The following CCSER1 variants were observed in gnomAD, a reference collection of about 807,000 sequenced individuals.
CCSER1 encodes the protein serine-rich coiled-coil domain-containing protein 1.
CCSER1 carries 41 observed loss-of-function variants against 82.0 expected under a neutral mutation model. The observed-to-expected ratio is 0.50, with a 90% CI of 0.39 to 0.65. The LOEUF (loss-of-function observed/expected upper bound fraction) is 0.65. Among genes scored for constraint, CCSER1 ranks in the 30% least tolerant of loss-of-function variants. The pLI, the probability that CCSER1 is intolerant of heterozygous loss-of-function variation, is 0.00. For missense variants in CCSER1, 1,119 were observed against 1,064.2 expected, an observed-to-expected ratio of 1.05 and a Z score of -0.72; for synonymous variants, 414 against 383.9, an observed-to-expected ratio of 1.08 and a Z score of -0.92.
At chr4:90,546,983 G>A (rs888343340) in intron 5 of CCSER1, among the ~76,000 whole-genome samples, 1 of 151,852 alleles carries the variant, frequency 6.6e-6, no homozygotes, top group African/African-American at 2.4e-5. Context: ...TGTGAATATT[G>A]CATACTTAAG....
intron 5 of CCSER1, among the ~76,000 whole-genome samples, chr4:90,511,722 C>T (rs1351655435): frequency 6.6e-6 from 1 of 151,970 alleles, no homozygotes; most frequent in Non-Finnish European, 1.5e-5. Flanking sequence ...GTATGTGCTT[C>T]AAGTAATAAC....
At chr4:91,595,021 A>C (rs1024592329) in intron 10 of CCSER1, among the ~76,000 whole-genome samples, 1 of 151,946 alleles carries the variant, frequency 6.6e-6, no homozygotes, top group African/African-American at 2.4e-5. Context: ...GCTCTCAAGT[A>C]AATTTCTCTC....
At chr4:90,441,984 A>G (rs1759954288) in intron 4 of CCSER1, among the ~76,000 whole-genome samples, 1 of 152,218 alleles carries the variant, frequency 6.6e-6, no homozygotes, top group Non-Finnish European at 1.5e-5. Flanking sequence ...GGGATGGCAC[A>G]CATTTCAGTC....
chr4:90,708,479 GCTT>G (rs1739832496), intron 6 of CCSER1, among the ~76,000 whole-genome samples: 1 of 152,080 alleles, frequency 6.6e-6, no homozygotes, highest in Non-Finnish European at 1.5e-5. Context: ...CACTAGTAGA[GCTT>G]CTGGTACCGG....
intron 8 of CCSER1, among the ~76,000 whole-genome samples, chr4:90,862,710 G>C (rs779078326): frequency 6.6e-6 from 1 of 151,802 alleles, no homozygotes; most frequent in Non-Finnish European, 1.5e-5. Context: ...GGTGAGCCTT[G>C]ATTCTGTGTT....
chr4:90,312,963 GA>G lies in CCSER1; in HGVS notation c.1428del (p.Lys476AsnfsTer7). 6.3e-7 allele frequency: 1 copy of G among 1,599,196 alleles called. No homozygotes were observed. The highest frequency in any genetic ancestry group is 8.5e-7 in the Non-Finnish European group (1 of 1,172,022). On this transcript the variant is annotated frameshift_variant, in exon 3 of 11. Coordinates refer to ENST00000509176, the MANE Select transcript of CCSER1 (RefSeq NM_001145065.2). LOFTEE classifies it high-confidence loss of function. ...CTGCAGGGAGTAGCAGAATGATTTTGAAACCGAAAGATGGAAATATAGAAGA... is the reference window on the plus strand; with the variant it reads ...CTGCAGGGAGTAGCAGAATGATTTTGAACCGAAAGATGGAAATATAGAAGA... ...GTAGSSRMIL[K>X]PKDGNIEEVN... is the part of the protein sequence containing the mutation.
chr4:91,085,276 G>A (rs1723259872), intron 9 of CCSER1, among the ~76,000 whole-genome samples: 1 of 151,966 alleles, frequency 6.6e-6, no homozygotes, highest in South Asian at 2.1e-4. Context: ...TTAAATTTGT[G>A]TTCTCCAAAG....
intron 3 of CCSER1, among the ~76,000 whole-genome samples, chr4:90,370,605 T>C (rs553061587): frequency 1.3e-5 from 2 of 152,124 alleles, no homozygotes; most frequent in Admixed American, 1.3e-4. Context: ...CTTATAAAAA[T>C]CACATCACAA....
chr4:90,138,201 T>A (rs187391774), intron 1 of CCSER1, among the ~76,000 whole-genome samples: 4 of 151,758 alleles, frequency 2.6e-5, no homozygotes, highest in African/African-American at 4.8e-5. Context: ...CTTTTTTAAA[T>A]TTTTTTTTGA....
intron 5 of CCSER1, among the ~76,000 whole-genome samples, chr4:90,586,470 C>T (rs1782034087): frequency 6.6e-6 from 1 of 152,110 alleles, no homozygotes; most frequent in Admixed American, 6.5e-5. Flanking sequence ...TTTTATTCAA[C>T]TAATTAATTA....
chr4:91,086,647 A>T (rs1723428238), intron 10 of CCSER1, among the ~76,000 whole-genome samples: 2 of 152,092 alleles, frequency 1.3e-5, no homozygotes, highest in Admixed American at 1.3e-4. Flanking sequence ...TTTTGATGAT[A>T]CTTATATTGC....
chr4:90,270,548 G>C (rs1019909751), intron 1 of CCSER1, among the ~76,000 whole-genome samples: 6 of 151,942 alleles, frequency 3.9e-5, no homozygotes, highest in African/African-American at 1.4e-4. Flanking sequence ...ATACAGACTA[G>C]GGAAAAACTG....
chr4:91,541,638 T>A lies in CCSER1; in HGVS notation c.2218-56934T>A, dbSNP rs540726930. On this transcript the variant is annotated intron_variant, in intron 10 of 10. Coordinates refer to ENST00000509176, the MANE Select transcript of CCSER1 (RefSeq NM_001145065.2). ...AATCCAGTCTATCACTGATGGACAT[T>A]TGAGTTGGTTCCAAATCTTTGCTAT... Among the ~76,000 whole-genome samples the A allele has an allele frequency of 2.5e-3, 381 of 152,294 alleles. 3 individuals carry two copies. The South Asian group carries it at 0.033, about 13-fold the overall frequency.
At chr4:91,081,224 T>G (rs2148801314) in intron 9 of CCSER1, among the ~76,000 whole-genome samples, 1 of 152,288 alleles carries the variant, frequency 6.6e-6, no homozygotes, top group South Asian at 2.1e-4. Context: ...TCAAGTTGGC[T>G]TCATCCCTGG....
chr4:90,699,381 CTT>C (rs1443542186), intron 6 of CCSER1, among the ~76,000 whole-genome samples: 1 of 152,112 alleles, frequency 6.6e-6, no homozygotes, highest in Non-Finnish European at 1.5e-5. Flanking sequence ...ATGAGAATCT[CTT>C]GAACCTGGGA....
At chr4:90,575,890 T>C (rs1780702037) in intron 5 of CCSER1, among the ~76,000 whole-genome samples, 1 of 152,202 alleles carries the variant, frequency 6.6e-6, no homozygotes, top group Non-Finnish European at 1.5e-5. Context: ...CTGTCTTCAC[T>C]CTCATTCTCT....
intron 10 of CCSER1, among the ~76,000 whole-genome samples, chr4:91,165,454 CT>C (rs1410298478): frequency 1.3e-5 from 2 of 152,210 alleles, no homozygotes; most frequent in African/African-American, 4.8e-5. Flanking sequence ...AACTACTGCT[CT>C]CTTCAGAACT....
intron 3 of CCSER1, among the ~76,000 whole-genome samples, chr4:90,330,959 G>T (rs1472717012): frequency 1.3e-5 from 2 of 151,940 alleles, no homozygotes; most frequent in South Asian, 2.1e-4. Context: ...TAATTTTTAG[G>T]AAATCAGAAC....
chr4:91,308,355 T>C (rs973636498), intron 10 of CCSER1, among the ~76,000 whole-genome samples: 8 of 151,996 alleles, frequency 5.3e-5, no homozygotes, highest in Non-Finnish European at 1.2e-4. Flanking sequence ...TTTAGGTACC[T>C]GGATGTACTT....
Sources: gnomAD v4.1 joint callset for allele counts (sites outside exome capture counted in the v4.1 genomes callset) on GRCh38, gnomAD v4.1.1 for gene constraint, MANE v1.5 for transcripts, NCBI Gene and HGNC (gene_info 2026-07-23, HGNC 2026-07-21) for gene names.